The following TAFA1 variants were observed in gnomAD, a reference collection of about 807,000 sequenced individuals.
The protein encoded by TAFA1 is chemokine-like protein TAFA-1.
A neutral mutation model predicts 18.5 loss-of-function variants in TAFA1; 4 were observed. That is an observed-to-expected ratio of 0.22 (90% CI 0.11 to 0.49). TAFA1 has a LOEUF of 0.49. Among genes scored for constraint, TAFA1 ranks in the 20% least tolerant of loss-of-function variants. The pLI is 0.98. For synonymous variants in TAFA1, 56 were observed against 55.2 expected (o/e 1.01, Z -0.06); for missense variants, 147 against 169.0 (o/e 0.87, Z 0.72).
chr3:68,497,087 G>A (rs1023421105), intron 3 of TAFA1, among the ~76,000 whole-genome samples: 1 of 152,112 alleles, frequency 6.6e-6, no homozygotes, highest in African/African-American at 2.4e-5. Context: ...GTAAGTGTTT[G>A]GCATGTATTA....
chr3:68,066,387 G>C (rs542962281), intron 2 of TAFA1, among the ~76,000 whole-genome samples: 13 of 152,128 alleles, frequency 8.5e-5, no homozygotes, highest in Non-Finnish European at 1.9e-4. Context: ...TAAATATTTG[G>C]GAAATAAATA....
chr3:68,047,871 A>C (rs62245877), intron 2 of TAFA1, among the ~76,000 whole-genome samples: 28,661 of 151,972 alleles, frequency 0.19, 3,323 homozygotes, highest in Non-Finnish European at 0.27. Context: ...TGACTCCATC[A>C]CTCTCCTACG....
intron 2 of TAFA1, among the ~76,000 whole-genome samples, chr3:68,347,217 G>A (rs968061795): frequency 3.3e-5 from 5 of 152,074 alleles, no homozygotes; most frequent in Admixed American, 6.6e-5. Flanking sequence ...AACATACTCC[G>A]CAAATACTAG....
chr3:68,092,499 G>T (rs1382759196), intron 2 of TAFA1, among the ~76,000 whole-genome samples: 2 of 152,154 alleles, frequency 1.3e-5, no homozygotes, highest in Non-Finnish European at 2.9e-5. Context: ...ACAGATACCA[G>T]TGTGGGGAGA....
At chr3:68,523,327 G>A (rs1353070180) in intron 3 of TAFA1, among the ~76,000 whole-genome samples, 1 of 152,164 alleles carries the variant, frequency 6.6e-6, no homozygotes, top group African/African-American at 2.4e-5. Context: ...TTGAATATTG[G>A]TGATTAATTT....
intron 2 of TAFA1, among the ~76,000 whole-genome samples, chr3:68,130,821 C>T (rs2065526594): frequency 6.6e-6 from 1 of 152,174 alleles, no homozygotes; most frequent in African/African-American, 2.4e-5. Flanking sequence ...CCTTCCCATC[C>T]TGGACACCTT....
At chr3:68,478,988 T>C (rs2072162398) in intron 3 of TAFA1, among the ~76,000 whole-genome samples, 1 of 150,272 alleles carries the variant, frequency 6.7e-6, no homozygotes, top group South Asian at 2.1e-4. Flanking sequence ...TAATCAGCAC[T>C]TTAGGAGGCC....
At chr3:68,055,898 T>C (rs1191428955) in intron 2 of TAFA1, among the ~76,000 whole-genome samples, 1 of 152,126 alleles carries the variant, frequency 6.6e-6, no homozygotes, top group East Asian at 1.9e-4. Flanking sequence ...ATCTTTTCTC[T>C]GCCTGCAGAA....
chr3:68,158,833 G>C (rs753775188), intron 2 of TAFA1, among the ~76,000 whole-genome samples: 1 of 152,114 alleles, frequency 6.6e-6, no homozygotes, highest in Non-Finnish European at 1.5e-5. Flanking sequence ...ATTTTGTGAT[G>C]GAGGGCATTT....
chr3:68,382,899 T>C (rs1363846914), intron 2 of TAFA1, among the ~76,000 whole-genome samples: 4 of 152,150 alleles, frequency 2.6e-5, no homozygotes. Context: ...TGTTTTATAG[T>C]TCTTTCTGTA....
rs750274743 is a variant in TAFA1 at position 68,379,923 on chromosome 3, C to A, written c.119-37357C>A. On this transcript the variant is annotated intron_variant, in intron 2 of 4. Transcript: ENST00000478136. ...TAATGCTATCCCTTCCCCTTCCCCCCACCCCACAACAGTCCCCAATGTGTG... is the reference window on the plus strand; with the variant it reads ...TAATGCTATCCCTTCCCCTTCCCCCAACCCCACAACAGTCCCCAATGTGTG... 2.6e-5 allele frequency among the ~76,000 whole-genome samples: 4 copies of A among 152,024 alleles called. No homozygotes were observed. The South Asian group carries it at 6.3e-4, about 24-fold the overall frequency.
chr3:68,219,501 C>T (rs2066704076), intron 2 of TAFA1, among the ~76,000 whole-genome samples: 1 of 152,068 alleles, frequency 6.6e-6, no homozygotes, highest in Non-Finnish European at 1.5e-5. Context: ...AGTTTGGCCT[C>T]TACATCCAGG....
intron 2 of TAFA1, among the ~76,000 whole-genome samples, chr3:68,014,718 C>T (rs1039299951): frequency 6.6e-6 from 1 of 152,128 alleles, no homozygotes; most frequent in Non-Finnish European, 1.5e-5. Flanking sequence ...TGTAAAAAAG[C>T]ATTCTGCTAA....
At chr3:68,400,720 G>A (rs889050116) in intron 2 of TAFA1, among the ~76,000 whole-genome samples, 2 of 152,132 alleles carry the variant, frequency 1.3e-5, no homozygotes, top group African/African-American at 4.8e-5. Flanking sequence ...AAACTTAGTG[G>A]ACATTTATAC....
chr3:68,129,968 T>C (rs960482004), intron 2 of TAFA1, among the ~76,000 whole-genome samples: 1 of 152,214 alleles, frequency 6.6e-6, no homozygotes, highest in African/African-American at 2.4e-5. Context: ...CCTATATGTG[T>C]CTTTGACTAT....
intron 3 of TAFA1, among the ~76,000 whole-genome samples, chr3:68,506,181 T>C (rs904204143): frequency 1.3e-5 from 2 of 152,092 alleles, no homozygotes; most frequent in African/African-American, 4.8e-5. Context: ...AGAATGATAG[T>C]TTCCAGCTTC....
Position 68,336,660 on chromosome 3 carries a change from G to C in TAFA1, c.119-80620G>C, listed in dbSNP as rs189244363. Among the ~76,000 whole-genome samples, 143 of 152,302 alleles carry C rather than the reference G, an allele frequency of 9.4e-4. 1 individual carries two copies. The highest frequency in any genetic ancestry group is 3.0e-3 in the Admixed American group (46 of 15,302). On this transcript the variant is annotated intron_variant, in intron 2 of 4. Coordinates refer to ENST00000478136, the MANE Select transcript of TAFA1 (RefSeq NM_213609.4). Reference sequence around the variant, plus strand: ...TGTAGGCTATTAAATCAGAATATCTGGGGTCTGGGCAGGATATGCATTTTA... The same window carrying C: ...TGTAGGCTATTAAATCAGAATATCTCGGGTCTGGGCAGGATATGCATTTTA...
chr3:68,475,358 C>G (rs1368357490), intron 3 of TAFA1, among the ~76,000 whole-genome samples: 1 of 150,816 alleles, frequency 6.6e-6, no homozygotes, highest in East Asian at 2.0e-4. Context: ...CCCTTCCTGT[C>G]TCCATGTGTT....
intron 2 of TAFA1, among the ~76,000 whole-genome samples, chr3:68,272,977 G>A (rs962153373): frequency 4.6e-5 from 7 of 151,922 alleles, no homozygotes; most frequent in Non-Finnish European, 5.9e-5. Flanking sequence ...TGTTCTGTCC[G>A]TATCTCTATG....
Sources: gnomAD v4.1 joint callset for allele counts (sites outside exome capture counted in the v4.1 genomes callset) on GRCh38, gnomAD v4.1.1 for gene constraint, MANE v1.5 for transcripts, NCBI Gene and HGNC (gene_info 2026-07-23, HGNC 2026-07-21) for gene names.